The following EPRS1 variants were observed in gnomAD, a reference collection of about 807,000 sequenced individuals.
The protein encoded by EPRS1 is glutamyl-prolyl-tRNA synthetase 1.
In EPRS1, 107 loss-of-function variants were observed where a neutral mutation model predicts 188.3. The ratio of observed to expected loss-of-function variants is 0.57; its 90% confidence interval spans 0.49 to 0.67. EPRS1 has a LOEUF of 0.67. Ranked by LOEUF, EPRS1 falls within the 30% of genes least tolerant of loss-of-function variation. The pLI, the probability that EPRS1 is intolerant of heterozygous loss-of-function variation, is 0.00. For synonymous variants in EPRS1, 596 were observed against 593.1 expected, an observed-to-expected ratio of 1.00 and a Z score of -0.07; for missense variants, 1,577 against 1,802.2, an observed-to-expected ratio of 0.88 and a Z score of 2.26.
At chr1:220,028,803 CTTTCA>C (rs144830868) in intron 6 of EPRS1, among the ~76,000 whole-genome samples, 95,040 of 151,464 alleles carry the variant, frequency 0.63, 31,661 homozygotes, top group Non-Finnish European at 0.75. Context: ...GCCTTCTGGC[CTTTCA>C]TTTAAGACAC....
intron 13 of EPRS1, 24 bp downstream of exon 13, chr1:220,010,922 C>G: frequency 7.4e-7 from 1 of 1,342,632 alleles, no homozygotes; most frequent in Non-Finnish European, 1.1e-6. Flanking sequence ...GAGAGAAACA[C>G]ATTGGTGAAA....
intron 2 of EPRS1, among the ~76,000 whole-genome samples, chr1:220,036,282 C>T (rs1277488245): frequency 6.6e-6 from 1 of 152,128 alleles, no homozygotes; most frequent in Non-Finnish European, 1.5e-5. Flanking sequence ...GGCATTTTCT[C>T]AAAGAGCTAA....
At chr1:219,982,722 G>T in intron 23 of EPRS1, 50 bp downstream of exon 23, 1 of 1,441,108 alleles carries the variant, frequency 6.9e-7, no homozygotes, top group Non-Finnish European at 9.8e-7. Flanking sequence ...TTTAGAGGCT[G>T]TCTCTAACGT....
At chr1:220,018,543 G>A in intron 11 of EPRS1, 35 bp from the exon 12 acceptor site, 1 of 1,442,326 alleles carries the variant, frequency 6.9e-7, no homozygotes, top group Non-Finnish European at 9.7e-7. Context: ...TTAAGGGCAA[G>A]CAGTATTAAT....
chr1:220,018,014 G>T, intron 12 of EPRS1: 2 of 529,542 alleles, frequency 3.8e-6, no homozygotes, highest in Non-Finnish European at 3.1e-6. Context: ...GTTTGTATAA[G>T]CAAGTCTTTT....
intron 17 of EPRS1, among the ~76,000 whole-genome samples, chr1:219,998,889 G>A (rs1307373946): frequency 1.4e-5 from 2 of 139,580 alleles, no homozygotes; most frequent in Admixed American, 1.5e-4. Context: ...TTCATGGTTA[G>A]TAAACAGGGG....
intron 17 of EPRS1, among the ~76,000 whole-genome samples, chr1:220,000,715 T>G (rs577611618): frequency 2.2e-4 from 33 of 152,308 alleles, no homozygotes; most frequent in Non-Finnish European, 4.0e-4. Context: ...GCACGGTGAC[T>G]CATGCCTATA....
intron 18 of EPRS1, among the ~76,000 whole-genome samples, chr1:219,989,302 G>A (rs1290603573): frequency 4.6e-5 from 7 of 151,974 alleles, no homozygotes; most frequent in South Asian, 2.1e-4. Flanking sequence ...ACAATGAGAT[G>A]AGAAAGCATG....
rs879818549 is a variant in EPRS1 at position 220,005,829 on chromosome 1, G to GTTTT, written c.1950+273_1950+276dup. On this transcript the variant is annotated intron_variant, in intron 15 of 31. Coordinates refer to ENST00000366923, the MANE Select transcript of EPRS1 (RefSeq NM_004446.3). The stretch of plus-strand genomic sequence containing the variant: ...CATTACTTACATCGTTTTTTTTTTT[G>GTTTT]TTTTTTTTTTTGTTTTTTTTTGTAG... Among the ~76,000 whole-genome samples, 134 of 45,720 alleles carry GTTTT rather than the reference G, an allele frequency of 2.9e-3. 4 individuals carry two copies. The highest frequency in any genetic ancestry group is 0.01 in the African/African-American group (114 of 11,132). 30.0% of individuals were successfully genotyped at this position (45,720 alleles called of 152,430 possible).
intron 2 of EPRS1, among the ~76,000 whole-genome samples, chr1:220,039,580 G>A (rs968401240): frequency 1.2e-4 from 18 of 150,144 alleles, no homozygotes; most frequent in African/African-American, 3.7e-4. Flanking sequence ...GTGCAGTGGC[G>A]CGTTCTCGGT....
In EPRS1 at chr1:219,980,828, G is replaced by A. The variant is rs559357710; in HGVS notation, c.3483C>T (p.Phe1161=). 18 of 1,613,086 alleles carry A rather than the reference G, an allele frequency of 1.1e-5. No homozygotes were observed. The East Asian group carries it at 3.8e-4, about 34-fold the overall frequency. ...GCCAAAGAAATTCACGAGTACGTAG[G>A]AAAGGCTGAGGATGCTTGAATTCCC... ...VRWEFKHPQP[F]LRTREFLWQE... is the part of the protein sequence containing the mutation. Residue 1161 remains phenylalanine (F), a synonymous_variant, in exon 25 of 32, where the codon TTC becomes TTT. Transcript: ENST00000366923.
chr1:220,038,723 A>G lies in EPRS1; in HGVS notation c.131+1462T>C, dbSNP rs76680509. On this transcript the variant is annotated intron_variant, in intron 2 of 31. Transcript: ENST00000366923. Reference sequence around the variant, plus strand: ...GAGCAGAAAGATAGGGAATGCAGATAATTCTTTTGAGCAAAGTAAATCATC... The same window carrying G: ...GAGCAGAAAGATAGGGAATGCAGATGATTCTTTTGAGCAAAGTAAATCATC... 5.1e-3 allele frequency among the ~76,000 whole-genome samples: 774 copies of G among 152,246 alleles called. 7 individuals are homozygous for G. Among genetic ancestry groups the G allele is most frequent in the African/African-American group, 0.018 (751 of 41,562 alleles).
intron 6 of EPRS1, among the ~76,000 whole-genome samples, chr1:220,027,686 T>C (rs543632937): frequency 1.2e-3 from 183 of 148,768 alleles, no homozygotes; most frequent in South Asian, 1.5e-3. Context: ...TTTATACATA[T>C]AATAAAGGGC....
In EPRS1 at chr1:220,005,409, TA is replaced by T. The variant is rs746855412; in HGVS notation, c.1951-50del. On this transcript the variant is annotated intron_variant, in intron 15 of 31. Transcript: ENST00000366923. ...GTACACTTTCTCAAAATCATAGTAGTAAAATAACTCTAAAATGCAAGCAGTT... is the reference window on the plus strand; with the variant it reads ...GTACACTTTCTCAAAATCATAGTAGTAAATAACTCTAAAATGCAAGCAGTT... The T allele has an allele frequency of 4.2e-6, 4 of 942,154 alleles. No homozygotes were observed. In the East Asian group the frequency reaches 7.5e-5, roughly 18 times the overall value. The allele number at this position is 942,154 out of a possible 1,614,324, so 58.4% of individuals were successfully genotyped here.
intron 17 of EPRS1, among the ~76,000 whole-genome samples, chr1:219,999,984 TA>T (rs1364700357): frequency 6.6e-6 from 1 of 151,926 alleles, no homozygotes; most frequent in Non-Finnish European, 1.5e-5. Context: ...TCAAATAAAA[TA>T]AAATAAAAAT....
intron 12 of EPRS1, among the ~76,000 whole-genome samples, chr1:220,015,792 T>TAC (rs1661690842): frequency 1.3e-5 from 1 of 77,978 alleles, no homozygotes; most frequent in African/African-American, 3.1e-5. Context: ...AAGAAGGTAA[T>TAC]ATAAAAAAAA....
At chr1:220,022,653 T>C in intron 8 of EPRS1, 135 bp from the exon 9 acceptor site, 1 of 701,956 alleles carries the variant, frequency 1.4e-6, no homozygotes, top group Non-Finnish European at 2.3e-6. Flanking sequence ...CACTGTAATA[T>C]TTCCAGTATC....
chr1:220,018,570 T>G, intron 11 of EPRS1, 62 bp from the exon 12 acceptor site: 1 of 1,052,504 alleles, frequency 9.5e-7, no homozygotes, highest in Non-Finnish European at 1.5e-6. Flanking sequence ...TTTGCCTTTA[T>G]TTCATGCTAA....
At chr1:219,993,603 C>T (rs1661165599) in intron 18 of EPRS1, among the ~76,000 whole-genome samples, 1 of 152,158 alleles carries the variant, frequency 6.6e-6, no homozygotes, top group African/African-American at 2.4e-5. Flanking sequence ...CCTTCCTTAC[C>T]ATTTAACATG....
Sources: allele counts gnomAD v4.1 joint callset (sites outside exome capture counted in the v4.1 genomes callset), GRCh38; gene constraint gnomAD v4.1.1; transcripts MANE v1.5; gene names NCBI Gene and HGNC (gene_info 2026-07-23, HGNC 2026-07-21).